The following KHDRBS2 variants were observed in gnomAD, a reference collection of about 807,000 sequenced individuals.
KHDRBS2 encodes the protein KH domain-containing, RNA-binding, signal transduction-associated protein 2.
A neutral mutation model predicts 44.3 loss-of-function variants in KHDRBS2; 26 were observed. The ratio of observed to expected loss-of-function variants is 0.59; its 90% confidence interval spans 0.43 to 0.81. The LOEUF (loss-of-function observed/expected upper bound fraction) is 0.81, where lower values mean the gene tolerates loss of function less well. Ranked by LOEUF, KHDRBS2 falls within the 40% of genes least tolerant of loss-of-function variation. The probability of loss-of-function intolerance (pLI) is 0.00; values close to 1 mark genes in which losing one functional copy is unlikely to be tolerated. For missense variants in KHDRBS2, 476 were observed against 433.1 expected (o/e 1.10, Z -0.88); for synonymous variants, 194 against 151.1 (o/e 1.28, Z -2.08).
chr6:61,965,195 A>G (rs1769638435), intron 4 of KHDRBS2, among the ~76,000 whole-genome samples: 1 of 152,058 alleles, frequency 6.6e-6, no homozygotes, highest in Admixed American at 6.6e-5. Context: ...ATGGTTTGCC[A>G]TGTGCCAGGG....
Position 62,030,228 on chromosome 6 carries a change from G to A in KHDRBS2, c.336+17650C>T, listed in dbSNP as rs77988760. Among the ~76,000 whole-genome samples the A allele has an allele frequency of 1.4e-3, 207 of 152,144 alleles. 1 individual carries two copies. The highest frequency in any genetic ancestry group is 4.7e-3 in the African/African-American group (197 of 41,546). ...CTAGTAATAAGACAAGAATCTTGCA[G>A]CATCTGTTCAAAGTCTGATATAATT... On this transcript the variant is annotated intron_variant, in intron 3 of 8. Transcript: ENST00000281156.
intron 4 of KHDRBS2, among the ~76,000 whole-genome samples, chr6:61,957,199 G>A (rs191716060): frequency 4.4e-4 from 67 of 152,166 alleles, no homozygotes; most frequent in East Asian, 1.5e-3. Context: ...ATCTTTGTTA[G>A]CTGAGGAGGA....
intron 1 of KHDRBS2, among the ~76,000 whole-genome samples, chr6:62,217,495 C>A (rs1010603786): frequency 1.3e-5 from 2 of 151,778 alleles, no homozygotes; most frequent in African/African-American, 4.8e-5. Context: ...AGTTGCTTTT[C>A]AAACACATAG....
intron 2 of KHDRBS2, among the ~76,000 whole-genome samples, chr6:62,109,147 G>T (rs997558050): frequency 7.3e-5 from 11 of 151,184 alleles, no homozygotes; most frequent in Admixed American, 5.3e-4. Context: ...TTGAACAAGG[G>T]ACGGTTGTCC....
intron 6 of KHDRBS2, among the ~76,000 whole-genome samples, chr6:61,848,509 A>ATATG (rs1794835517): frequency 2.0e-4 from 10 of 50,826 alleles, no homozygotes; most frequent in African/African-American, 7.8e-4. Flanking sequence ...ATATATATAT[A>ATATG]TGTATATATG....
intron 7 of KHDRBS2, among the ~76,000 whole-genome samples, chr6:61,719,438 AAATGTT>A (rs1187497771): frequency 6.6e-6 from 1 of 152,022 alleles, no homozygotes; most frequent in Non-Finnish European, 1.5e-5. Flanking sequence ...TGACCTTTGA[AAATGTT>A]AATGTCTTTG....
rs189160094 is a variant in KHDRBS2, at chr6:61,711,781, T to C, written c.894-14528A>G. Among the ~76,000 whole-genome samples, 482 of 151,888 alleles carry C rather than the reference T, an allele frequency of 3.2e-3. 1 individual carries two copies. Among genetic ancestry groups the C allele is most frequent in the Non-Finnish European group, 4.3e-3 (294 of 67,854 alleles). ...AGAAGAAAACATCTAAGATATTTGG[T>C]GAAATGGGAATTATGATATACCAAG... is the stretch of plus-strand genomic sequence containing the variant. On this transcript the variant is annotated intron_variant, in intron 7 of 8. Transcript: ENST00000281156.
chr6:61,812,188 T>A (rs1382038950), intron 6 of KHDRBS2, among the ~76,000 whole-genome samples: 1 of 152,032 alleles, frequency 6.6e-6, no homozygotes, highest in Non-Finnish European at 1.5e-5. Context: ...ATCCTTCTCT[T>A]ATCTACTTCC....
At chr6:62,115,660 A>G (rs139004913) in intron 2 of KHDRBS2, among the ~76,000 whole-genome samples, 30 of 152,304 alleles carry the variant, frequency 2.0e-4, no homozygotes, top group African/African-American at 7.2e-4. Flanking sequence ...AAACCCAGAG[A>G]CTATTCTTTT....
At chr6:61,685,719 A>G (rs2127539633) in intron 8 of KHDRBS2, among the ~76,000 whole-genome samples, 1 of 151,850 alleles carries the variant, frequency 6.6e-6, no homozygotes, top group South Asian at 2.1e-4. Flanking sequence ...GTGACTTCAA[A>G]AGTTTCTGTA....
chr6:62,199,371 AT>A (rs1369021089), intron 1 of KHDRBS2, among the ~76,000 whole-genome samples: 1 of 152,222 alleles, frequency 6.6e-6, no homozygotes, highest in Non-Finnish European at 1.5e-5. Context: ...CCTTAAGCTG[AT>A]AGGCAACATC....
chr6:61,637,860 T>C, the KHDRBS2 span, among the ~76,000 whole-genome samples: 7 of 152,124 alleles, frequency 4.6e-5, no homozygotes, highest in African/African-American at 9.7e-5. Context: ...TCATGTCCTT[T>C]GCCCACTTTT....
At chr6:61,851,096 T>C (rs919727082) in intron 6 of KHDRBS2, among the ~76,000 whole-genome samples, 11 of 152,086 alleles carry the variant, frequency 7.2e-5, no homozygotes, top group Admixed American at 1.3e-4. Context: ...TTTTTCATTA[T>C]AGACTCTGCC....
intron 6 of KHDRBS2, among the ~76,000 whole-genome samples, chr6:61,883,407 A>G (rs1046724874): frequency 2.0e-5 from 3 of 152,056 alleles, no homozygotes; most frequent in African/African-American, 7.2e-5. Flanking sequence ...AAAATGGCAC[A>G]GGGAGAAACC....
chr6:61,956,990 T>C (rs1356781896), intron 4 of KHDRBS2, among the ~76,000 whole-genome samples: 1 of 152,002 alleles, frequency 6.6e-6, no homozygotes, highest in Non-Finnish European at 1.5e-5. Flanking sequence ...GCTGAAGCCG[T>C]GGCAGAAGAA....
At chr6:62,170,594 A>C (rs749279473) in intron 2 of KHDRBS2, among the ~76,000 whole-genome samples, 34 of 152,108 alleles carry the variant, frequency 2.2e-4, no homozygotes, top group Non-Finnish European at 4.4e-4. Context: ...TTTTGCCAGG[A>C]TATCCCAGCC....
chr6:61,731,120 G>C (rs1034176572), intron 7 of KHDRBS2, among the ~76,000 whole-genome samples: 3 of 151,956 alleles, frequency 2.0e-5, no homozygotes, highest in African/African-American at 7.2e-5. Flanking sequence ...ATGGAACTTT[G>C]TTATCACTAT....
intron 2 of KHDRBS2, among the ~76,000 whole-genome samples, chr6:62,113,198 C>A (rs115464977): frequency 6.6e-6 from 1 of 152,026 alleles, no homozygotes; most frequent in Non-Finnish European, 1.5e-5. Flanking sequence ...AATGGACATT[C>A]TTTAAGCACA....
chr6:61,815,188 C>T (rs1271139083), intron 6 of KHDRBS2, among the ~76,000 whole-genome samples: 1 of 151,492 alleles, frequency 6.6e-6, no homozygotes, highest in African/African-American at 2.4e-5. Context: ...ATGTTTTTTC[C>T]TTTACAGTAG....
Sources: gnomAD v4.1 joint callset for allele counts (sites outside exome capture counted in the v4.1 genomes callset) on GRCh38, gnomAD v4.1.1 for gene constraint, MANE v1.5 for transcripts, NCBI Gene and HGNC (gene_info 2026-07-23, HGNC 2026-07-21) for gene names.